Variants in SHISA9 observed in about 807,000 individuals in gnomAD.
SHISA9 encodes shisa family member 9.
SHISA9 carries 13 observed loss-of-function variants against 38.0 expected under a neutral mutation model. The observed-to-expected ratio is 0.34, with a 90% CI of 0.22 to 0.54. The LOEUF is 0.54. Ranked by LOEUF, SHISA9 falls within the 20% of genes least tolerant of loss-of-function variation. SHISA9 has a pLI of 0.91. For missense variants in SHISA9, 538 were observed against 575.8 expected, an observed-to-expected ratio of 0.93 and a Z score of 0.67; for synonymous variants, 275 against 242.0, an observed-to-expected ratio of 1.14 and a Z score of -1.27.
At chr16:13,037,854 G>A (rs911786580) in intron 2 of SHISA9, among the ~76,000 whole-genome samples, 1 of 152,104 alleles carries the variant, frequency 6.6e-6, no homozygotes, top group Non-Finnish European at 1.5e-5. Flanking sequence ...AGCATCAAGG[G>A]TCACTTAAAA....
chr16:13,118,138 C>T (rs59028429), intron 2 of SHISA9, among the ~76,000 whole-genome samples: 4,009 of 147,442 alleles, frequency 0.027, 85 homozygotes, highest in East Asian at 0.11. Flanking sequence ...GTGGAGATCA[C>T]GCAATTGTAC....
chr16:13,422,303 A>T, the SHISA9 span, among the ~76,000 whole-genome samples: 2 of 152,322 alleles, frequency 1.3e-5, no homozygotes, highest in East Asian at 1.9e-4. Flanking sequence ...TTTTTTAAAA[A>T]GTTATTTTTG....
the SHISA9 span, among the ~76,000 whole-genome samples, chr16:13,303,514 T>A: frequency 1.1e-4 from 17 of 152,284 alleles, no homozygotes; most frequent in African/African-American, 3.1e-4. Context: ...ATTGTACAAT[T>A]CCATTTATGA....
At chr16:13,339,260 T>C in the SHISA9 span, among the ~76,000 whole-genome samples, 1 of 151,898 alleles carries the variant, frequency 6.6e-6, no homozygotes, top group South Asian at 2.1e-4. Context: ...TTAGGTACTT[T>C]TTGCCATATC....
At chr16:13,036,739 T>G (rs1391482428) in intron 2 of SHISA9, among the ~76,000 whole-genome samples, 1 of 112,180 alleles carries the variant, frequency 8.9e-6, no homozygotes, top group Admixed American at 9.3e-5. Flanking sequence ...TTCTTGAAGT[T>G]CAGAGGAGGA....
chr16:13,469,320 GAGAA>G, the SHISA9 span, among the ~76,000 whole-genome samples: 2,022 of 61,396 alleles, frequency 0.033, 97 homozygotes, highest in African/African-American at 0.05. Context: ...GAGAGAGAGA[GAGAA>G]AGAAAGAAAG....
the SHISA9 span, among the ~76,000 whole-genome samples, chr16:13,552,655 T>C: frequency 6.6e-6 from 1 of 152,196 alleles, no homozygotes; most frequent in Non-Finnish European, 1.5e-5. Context: ...TAAAGCCAGG[T>C]TGGCTTTGAA....
At chr16:13,308,276 TTGTCTGG>T in the SHISA9 span, among the ~76,000 whole-genome samples, 1 of 151,914 alleles carries the variant, frequency 6.6e-6, no homozygotes, top group Non-Finnish European at 1.5e-5. Context: ...GGAAAGAAGC[TTGTCTGG>T]TGTGTATGAG....
chr16:13,336,965 C>T, the SHISA9 span, among the ~76,000 whole-genome samples: 2 of 152,174 alleles, frequency 1.3e-5, no homozygotes, highest in Non-Finnish European at 2.9e-5. Flanking sequence ...AACTGACCCA[C>T]TTTTTAAAAA....
the SHISA9 span, among the ~76,000 whole-genome samples, chr16:13,369,348 T>C: frequency 6.6e-6 from 1 of 152,074 alleles, no homozygotes; most frequent in African/African-American, 2.4e-5. Context: ...ATGTGTTCAG[T>C]CTAGGAGATA....
the SHISA9 span, among the ~76,000 whole-genome samples, chr16:13,548,459 C>T: frequency 1.3e-5 from 2 of 152,158 alleles, no homozygotes; most frequent in African/African-American, 4.8e-5. Flanking sequence ...AACTATGCAT[C>T]TGACAAGAGG....
At chr16:12,970,495 ATATTTTTTTTTTT>A (rs2072065139) in intron 2 of SHISA9, among the ~76,000 whole-genome samples, 1 of 24,630 alleles carries the variant, frequency 4.1e-5, no homozygotes, top group Admixed American at 1.0e-3. Context: ...ATATATATAT[ATATTTTTTTTTTT>A]TTTTTTTTTT....
At chr16:13,515,046 T>G in the SHISA9 span, among the ~76,000 whole-genome samples, 1 of 152,134 alleles carries the variant, frequency 6.6e-6, no homozygotes, top group Non-Finnish European at 1.5e-5. Flanking sequence ...GTAGCTTTTT[T>G]AAAGTACTAA....
chr16:13,368,155 C>A, the SHISA9 span, among the ~76,000 whole-genome samples: 1 of 152,102 alleles, frequency 6.6e-6, no homozygotes, highest in Non-Finnish European at 1.5e-5. Context: ...AGATCACCTG[C>A]AAAGGCATTT....
At position 12,901,964 on chromosome 16, in the gene SHISA9, CAGCTCCCGGCAGCAG is replaced by C; in HGVS notation, c.-100_-86del. On this transcript the variant is annotated 5_prime_UTR_variant, in exon 1 of 5. Transcript: ENST00000558583. ...TGCATGTGCGGCCCGCGGCGGCTCG[CAGCTCCCGGCAGCAG>C]CCTCGGCAGCTTCGGCCGCGCCTCG... The C allele has an allele frequency of 9.6e-7, 1 of 1,044,368 alleles. No homozygotes were observed. The highest frequency in any genetic ancestry group is 1.2e-6 in the Non-Finnish European group (1 of 805,674). The allele number at this position is 1,044,368 out of a possible 1,614,324, so 64.7% of individuals were successfully genotyped here.
chr16:13,291,935 T>A, the SHISA9 span, among the ~76,000 whole-genome samples: 1 of 152,138 alleles, frequency 6.6e-6, no homozygotes, highest in Non-Finnish European at 1.5e-5. Flanking sequence ...CAGTGTTTTT[T>A]TACCTTTTGG....
At chr16:13,553,444 A>G in the SHISA9 span, among the ~76,000 whole-genome samples, 4 of 152,188 alleles carry the variant, frequency 2.6e-5, no homozygotes, top group Non-Finnish European at 5.9e-5. Context: ...AACCACTACC[A>G]TTTTACAGGT....
chr16:13,043,060 G>T (rs2073149686), intron 2 of SHISA9, among the ~76,000 whole-genome samples: 1 of 152,206 alleles, frequency 6.6e-6, no homozygotes, highest in African/African-American at 2.4e-5. Context: ...CTGGACAGCA[G>T]TTGGAGGGTA....
chr16:13,356,820 C>T, the SHISA9 span, among the ~76,000 whole-genome samples: 1 of 151,994 alleles, frequency 6.6e-6, no homozygotes, highest in Non-Finnish European at 1.5e-5. Flanking sequence ...AGACCGTTTG[C>T]CTATTTTACG....
Sources: gnomAD v4.1 joint callset for allele counts (sites outside exome capture counted in the v4.1 genomes callset) on GRCh38, gnomAD v4.1.1 for gene constraint, MANE v1.5 for transcripts, NCBI Gene and HGNC (gene_info 2026-07-23, HGNC 2026-07-21) for gene names.